The following ADAMTSL1 variants were observed in gnomAD, a reference collection of about 807,000 sequenced individuals.
ADAMTSL1 encodes the protein ADAMTS-like protein 1.
Under a neutral mutation model 201.8 loss-of-function variants are expected in ADAMTSL1, and 126 were observed. The observed-to-expected ratio is 0.62, with a 90% confidence interval of 0.54 to 0.72. ADAMTSL1 has a LOEUF of 0.72. Ranked by LOEUF, ADAMTSL1 falls within the 30% of genes least tolerant of loss-of-function variation. The probability of loss-of-function intolerance (pLI) is 0.00; values close to 1 mark genes in which losing one functional copy is unlikely to be tolerated. For missense variants in ADAMTSL1, 2,679 were observed against 2,277.8 expected, an observed-to-expected ratio of 1.18 and a Z score of -3.59; for synonymous variants, 1,121 against 903.4, an observed-to-expected ratio of 1.24 and a Z score of -4.32.
intron 1 of ADAMTSL1, among the ~76,000 whole-genome samples, chr9:18,097,265 A>T (rs1044223119): frequency 2.0e-5 from 3 of 152,200 alleles, no homozygotes; most frequent in African/African-American, 7.2e-5. Flanking sequence ...GCTGTGTAGC[A>T]TTCTATTGTA....
At chr9:18,588,884 C>CATACATATATATATATATATATATATAT (rs1823708481) in intron 4 of ADAMTSL1, among the ~76,000 whole-genome samples, 3 of 122,858 alleles carry the variant, frequency 2.4e-5, no homozygotes, top group Non-Finnish European at 5.3e-5. Flanking sequence ...TATACATATA[C>CATACATATATATATATATATATATATAT]ATATATATAT....
chr9:18,511,123 G>A lies in ADAMTSL1; in HGVS notation c.191+6167G>A, dbSNP rs571648504. 9.9e-5 allele frequency among the ~76,000 whole-genome samples: 15 copies of A among 152,186 alleles called. No homozygotes were observed. In the South Asian group the frequency reaches 3.1e-3, roughly 32 times the overall value. On this transcript the variant is annotated intron_variant, in intron 2 of 28. Transcript: ENST00000380548. Reference sequence around the variant, plus strand: ...AGGAAACTACCCCTCATTTGAGATGGCAACGAGTTAGATAGCTGGCTGCTC... The same window carrying A: ...AGGAAACTACCCCTCATTTGAGATGACAACGAGTTAGATAGCTGGCTGCTC...
intron 23 of ADAMTSL1, among the ~76,000 whole-genome samples, chr9:18,868,414 G>T (rs962450920): frequency 3.9e-5 from 6 of 152,134 alleles, no homozygotes; most frequent in African/African-American, 1.4e-4. Flanking sequence ...TCTAGGTTTT[G>T]TTGTCTTCCT....
intron 1 of ADAMTSL1, among the ~76,000 whole-genome samples, chr9:17,969,071 T>C (rs2772683): frequency 0.3 from 46,323 of 151,954 alleles, 8,073 homozygotes; most frequent in East Asian, 0.57. Flanking sequence ...CTGATTCAAT[T>C]ACATTATTCA....
At position 18,612,719 on chromosome 9, in the gene ADAMTSL1, T is replaced by C. The variant is rs954767555; in HGVS notation, c.475-9524T>C. Reference sequence around the variant, plus strand: ...TCCTTACACCACATGCAAAAATTAATTCACGATGGATTAAAGACTTAAGTG... The same window carrying C: ...TCCTTACACCACATGCAAAAATTAACTCACGATGGATTAAAGACTTAAGTG... On this transcript the variant is annotated intron_variant, in intron 4 of 28. Coordinates refer to ENST00000380548, the MANE Select transcript of ADAMTSL1 (RefSeq NM_001040272.6). 2.0e-5 allele frequency among the ~76,000 whole-genome samples: 3 copies of C among 152,272 alleles called. 1 individual carries two copies. The highest frequency in any genetic ancestry group is 1.3e-4 in the Admixed American group (2 of 15,290).
intron 8 of ADAMTSL1, among the ~76,000 whole-genome samples, chr9:18,660,307 T>C (rs926942152): frequency 6.6e-6 from 1 of 152,368 alleles, no homozygotes; most frequent in African/African-American, 2.4e-5. Context: ...CTCTAAGTTC[T>C]CTTCTCTGTT....
At chr9:18,333,421 T>C (rs1348846741) in intron 2 of ADAMTSL1, among the ~76,000 whole-genome samples, 1 of 152,144 alleles carries the variant, frequency 6.6e-6, no homozygotes, top group Non-Finnish European at 1.5e-5. Flanking sequence ...TCCACTATGA[T>C]TGTAAGTTTC....
At chr9:18,709,797 G>C (rs1057124791) in intron 14 of ADAMTSL1, among the ~76,000 whole-genome samples, 3 of 152,132 alleles carry the variant, frequency 2.0e-5, no homozygotes, top group Non-Finnish European at 4.4e-5. Context: ...TGAACTCCTA[G>C]ACAGTAAAAT....
intron 2 of ADAMTSL1, among the ~76,000 whole-genome samples, chr9:18,250,210 A>G (rs1028461191): frequency 6.6e-6 from 1 of 152,202 alleles, no homozygotes; most frequent in African/African-American, 2.4e-5. Flanking sequence ...CATTTTTTCA[A>G]TGGGCATTTT....
At chr9:18,352,548 A>G (rs1836018660) in intron 2 of ADAMTSL1, among the ~76,000 whole-genome samples, 1 of 152,166 alleles carries the variant, frequency 6.6e-6, no homozygotes, top group South Asian at 2.1e-4. Flanking sequence ...CAGGGATTAC[A>G]TTTAAATTTC....
chr9:18,453,385 T>C (rs1820486828), intron 2 of ADAMTSL1, among the ~76,000 whole-genome samples: 1 of 152,106 alleles, frequency 6.6e-6, no homozygotes, highest in Non-Finnish European at 1.5e-5. Flanking sequence ...TTCAGTATCA[T>C]TCTCTTATTG....
At chr9:18,581,949 A>G (rs1172221530) in intron 4 of ADAMTSL1, among the ~76,000 whole-genome samples, 1 of 152,204 alleles carries the variant, frequency 6.6e-6, no homozygotes, top group African/African-American at 2.4e-5. Context: ...ACTTTGTCCC[A>G]TCTCTGAGAC....
intron 1 of ADAMTSL1, among the ~76,000 whole-genome samples, chr9:17,926,243 TG>T (rs1826521448): frequency 6.6e-6 from 1 of 152,116 alleles, no homozygotes; most frequent in Non-Finnish European, 1.5e-5. Flanking sequence ...TATTAAAGAG[TG>T]CTTATTTATT....
At position 18,371,025 on chromosome 9, in the gene ADAMTSL1, T is replaced by C. The variant is rs536329463; in HGVS notation, c.208-133804T>C. 3.9e-5 allele frequency among the ~76,000 whole-genome samples: 6 copies of C among 152,332 alleles called. No homozygotes were observed. In the East Asian group the frequency reaches 9.6e-4, roughly 24 times the overall value. On this transcript the variant is annotated intron_variant, in intron 2 of 29. Coordinates refer to the ADAMTSL1 transcript ENST00000680146. Reference sequence around the variant, plus strand: ...TAAAAGCTTTTTATTGGAATTCTTGTGACCTTCATATCCAATTATTTTTTT... The same window carrying C: ...TAAAAGCTTTTTATTGGAATTCTTGCGACCTTCATATCCAATTATTTTTTT...
intron 15 of ADAMTSL1, among the ~76,000 whole-genome samples, chr9:18,745,889 C>A (rs1819112494): frequency 6.6e-6 from 1 of 152,172 alleles, no homozygotes; most frequent in Non-Finnish European, 1.5e-5. Flanking sequence ...ATTTGACTCC[C>A]AGCCATCCTG....
chr9:18,699,077 A>G (rs1393885569), intron 13 of ADAMTSL1, among the ~76,000 whole-genome samples: 1 of 152,130 alleles, frequency 6.6e-6, no homozygotes, highest in East Asian at 1.9e-4. Flanking sequence ...CCCCTGCAAC[A>G]TTTTCCTCTA....
At chr9:18,328,245 G>A (rs1012222319) in intron 2 of ADAMTSL1, among the ~76,000 whole-genome samples, 2 of 152,154 alleles carry the variant, frequency 1.3e-5, no homozygotes, top group African/African-American at 4.8e-5. Context: ...GTTCTCAGCC[G>A]AATATAATGA....
intron 2 of ADAMTSL1, among the ~76,000 whole-genome samples, chr9:18,332,548 T>G (rs1012216788): frequency 1.3e-5 from 2 of 152,152 alleles, no homozygotes; most frequent in African/African-American, 4.8e-5. Flanking sequence ...CCTCTCAGGC[T>G]CCAGCAATCC....
intron 2 of ADAMTSL1, among the ~76,000 whole-genome samples, chr9:18,308,261 C>A (rs1367566963): frequency 6.6e-6 from 1 of 152,010 alleles, no homozygotes; most frequent in Non-Finnish European, 1.5e-5. Context: ...AAAATCAATA[C>A]CCTAATATCA....
Sources: allele counts gnomAD v4.1 joint callset (sites outside exome capture counted in the v4.1 genomes callset), GRCh38; gene constraint gnomAD v4.1.1; transcripts MANE v1.5; gene names NCBI Gene and HGNC (gene_info 2026-07-23, HGNC 2026-07-21).